RGS6: variants seen among roughly 807,000 people sequenced by gnomAD.
RGS6 encodes regulator of G protein signaling 6.
In RGS6, 30 loss-of-function variants were observed where a neutral mutation model predicts 78.5. That is an observed-to-expected ratio of 0.38 (90% confidence interval 0.29 to 0.52). RGS6 has a LOEUF of 0.52. RGS6 is among the 20% of genes least tolerant of loss of function. RGS6 has a pLI of 0.85. For synonymous variants in RGS6, 206 were observed against 206.0 expected, an observed-to-expected ratio of 1.00 and a Z score of 0.00; for missense variants, 495 against 609.7, an observed-to-expected ratio of 0.81 and a Z score of 1.98.
intron 2 of RGS6, among the ~76,000 whole-genome samples, chr14:72,002,690 T>A (rs567411032): frequency 1.3e-5 from 2 of 152,306 alleles, no homozygotes; most frequent in Admixed American, 6.5e-5. Flanking sequence ...AAGTACTTTA[T>A]AAATCCTGGA....
At position 72,562,966 on chromosome 14, in the gene RGS6, T is replaced by A; in HGVS notation, c.*499T>A. 2 of 599,684 alleles carry A rather than the reference T, an allele frequency of 3.3e-6. No individual in the cohort carries two copies. The highest frequency in any genetic ancestry group is 6.0e-6 in the Non-Finnish European group (2 of 333,614). 37.1% of individuals were successfully genotyped at this position (599,684 alleles called of 1,614,324 possible). On this transcript the variant is annotated 3_prime_UTR_variant, in exon 18 of 18. Transcript: ENST00000553525. ...ACTACATCCCCACCGCCGCCTGTCA[T>A]CCCTCACGTCTCTGTGGCCACCCGG...
intron 3 of RGS6, among the ~76,000 whole-genome samples, chr14:72,447,589 A>G (rs1312278013): frequency 1.3e-5 from 2 of 152,232 alleles, no homozygotes; most frequent in East Asian, 3.8e-4. Context: ...TCCCTGAAAC[A>G]TGGGCTCTGT....
intron 2 of RGS6, among the ~76,000 whole-genome samples, chr14:72,260,017 T>C (rs186345489): frequency 1.3e-5 from 2 of 151,782 alleles, no homozygotes; most frequent in Admixed American, 1.3e-4. Context: ...ACCCAGAGTA[T>C]CCATTCCAAT....
the RGS6 span, among the ~76,000 whole-genome samples, chr14:72,618,237 G>T: frequency 6.6e-6 from 1 of 152,176 alleles, no homozygotes; most frequent in Non-Finnish European, 1.5e-5. Context: ...TCAGGTCTCA[G>T]TAGACAATAG....
At chr14:72,016,100 T>C (rs1445551508) in intron 2 of RGS6, among the ~76,000 whole-genome samples, 2 of 152,342 alleles carry the variant, frequency 1.3e-5, no homozygotes, top group Non-Finnish European at 2.9e-5. Flanking sequence ...TGTACTTTTT[T>C]ATGTGTTTTT....
rs138042479 is a variant in RGS6, at chr14:72,551,434, A to C, written c.1423-10983A>C. Among the ~76,000 whole-genome samples, 26 of 152,270 alleles carry C rather than the reference A, an allele frequency of 1.7e-4. No individual in the cohort carries two copies. The East Asian group carries it at 5.0e-3, about 29-fold the overall frequency. On this transcript the variant is annotated intron_variant, in intron 17 of 17. Coordinates refer to ENST00000553525, the MANE Select transcript of RGS6 (RefSeq NM_001204424.2). ...CAGTTACCTCACTACCTGTGTCTCA[A>C]AAGAGCAAGGAGCTGGATTGTGACT... is the stretch of plus-strand genomic sequence containing the variant.
intron 3 of RGS6, among the ~76,000 whole-genome samples, chr14:72,429,506 T>C (rs560171516): frequency 3.3e-5 from 5 of 152,024 alleles, no homozygotes; most frequent in Admixed American, 1.3e-4. Flanking sequence ...AGAGGAGAGG[T>C]TGGGGACAAC....
At chr14:72,594,499 C>T in the RGS6 span, 1 of 152,150 alleles carries the variant, frequency 6.6e-6, no homozygotes, top group East Asian at 1.9e-4. Context: ...ACCTAGAGAG[C>T]ACCAATTCTC....
chr14:72,448,571 T>G (rs1422431334), intron 3 of RGS6, among the ~76,000 whole-genome samples: 1 of 152,092 alleles, frequency 6.6e-6, no homozygotes, highest in Non-Finnish European at 1.5e-5. Flanking sequence ...ATTTGCAAAA[T>G]GGAGATAATA....
chr14:72,232,960 G>A (rs1402061), intron 2 of RGS6, among the ~76,000 whole-genome samples: 61,694 of 151,994 alleles, frequency 0.41, 13,560 homozygotes, highest in Middle Eastern at 0.6. Flanking sequence ...CACAGGAGAC[G>A]TAAGGGAGCG....
At chr14:72,144,591 C>T (rs1468361287) in intron 2 of RGS6, among the ~76,000 whole-genome samples, 1 of 152,148 alleles carries the variant, frequency 6.6e-6, no homozygotes, top group African/African-American at 2.4e-5. Flanking sequence ...CAAGGTATTA[C>T]ATTTAAAGAC....
chr14:72,169,782 C>G (rs535388414), intron 2 of RGS6, among the ~76,000 whole-genome samples: 5 of 152,268 alleles, frequency 3.3e-5, no homozygotes, highest in African/African-American at 1.2e-4. Flanking sequence ...ACTCTTTCTC[C>G]TTTTCTTCTG....
intron 3 of RGS6, among the ~76,000 whole-genome samples, chr14:72,403,471 G>A (rs2092656669): frequency 6.6e-6 from 1 of 152,204 alleles, no homozygotes. Context: ...GGAGGAGATG[G>A]AGAGGTTGGT....
chr14:72,252,434 G>A (rs1567584110), intron 2 of RGS6, among the ~76,000 whole-genome samples: 1 of 152,184 alleles, frequency 6.6e-6, no homozygotes, highest in Non-Finnish European at 1.5e-5. Context: ...ACCATCTAGT[G>A]AATTTAGTGC....
intron 2 of RGS6, among the ~76,000 whole-genome samples, chr14:72,060,069 G>A (rs2093815505): frequency 6.6e-6 from 1 of 152,076 alleles, no homozygotes; most frequent in Non-Finnish European, 1.5e-5. Flanking sequence ...CAGATGCATC[G>A]GGGTTCGTCT....
intron 3 of RGS6, among the ~76,000 whole-genome samples, chr14:72,409,911 G>A (rs2093274585): frequency 1.3e-5 from 2 of 152,154 alleles, no homozygotes; most frequent in Non-Finnish European, 2.9e-5. Flanking sequence ...TTTTATGGCT[G>A]CATAGTATTC....
intron 2 of RGS6, among the ~76,000 whole-genome samples, chr14:72,200,918 A>G (rs1037549715): frequency 2.7e-5 from 4 of 145,814 alleles, no homozygotes; most frequent in African/African-American, 5.1e-5. Context: ...TGATTTAGGG[A>G]CAGTTCCTAG....
intron 2 of RGS6, among the ~76,000 whole-genome samples, chr14:71,974,869 C>T (rs1303000091): frequency 6.6e-6 from 1 of 152,140 alleles, no homozygotes; most frequent in Non-Finnish European, 1.5e-5. Flanking sequence ...GGGCCAGGCA[C>T]GTTGGCTTAC....
chr14:72,462,533 A>G (rs1248008779), intron 6 of RGS6, among the ~76,000 whole-genome samples: 1 of 150,754 alleles, frequency 6.6e-6, no homozygotes, highest in African/African-American at 2.5e-5. Flanking sequence ...AGATTAAGTA[A>G]GGGCTGTGAC....
Sources: gnomAD v4.1 joint callset for allele counts (sites outside exome capture counted in the v4.1 genomes callset) on GRCh38, gnomAD v4.1.1 for gene constraint, MANE v1.5 for transcripts, NCBI Gene and HGNC (gene_info 2026-07-23, HGNC 2026-07-21) for gene names.